Variants in ANO3 observed in about 807,000 individuals in gnomAD.
ANO3 encodes the protein anoctamin 3.
ANO3 carries 99 observed loss-of-function variants against 144.8 expected under a neutral mutation model. The observed-to-expected ratio is 0.68, with a 90% CI of 0.58 to 0.81. ANO3 has a LOEUF of 0.81. Among genes scored for constraint, ANO3 ranks in the 30% least tolerant of loss-of-function variants. The probability of loss-of-function intolerance (pLI) is 0.00; values close to 1 mark genes in which losing one functional copy is unlikely to be tolerated. For missense variants in ANO3, 905 were observed against 1,202.2 expected (o/e 0.75, Z 3.66); for synonymous variants, 414 against 392.6 (o/e 1.05, Z -0.64).
chr11:26,337,811 T>A (rs1855231969), intron 1 of ANO3, among the ~76,000 whole-genome samples: 1 of 152,110 alleles, frequency 6.6e-6, no homozygotes, highest in Non-Finnish European at 1.5e-5. Flanking sequence ...GACGGGCACC[T>A]GTAATCCCAG....
intron 4 of ANO3, among the ~76,000 whole-genome samples, chr11:26,465,224 CATTT>C (rs1391163874): frequency 2.7e-5 from 4 of 148,646 alleles, no homozygotes; most frequent in African/African-American, 9.9e-5. Flanking sequence ...AATTTTTATT[CATTT>C]GTGTCCTACA....
chr11:26,322,561 C>T (rs1854785994), intron 1 of ANO3, among the ~76,000 whole-genome samples: 1 of 151,982 alleles, frequency 6.6e-6, no homozygotes, highest in Non-Finnish European at 1.5e-5. Context: ...GATTATTGGT[C>T]AGGTATATTA....
At chr11:26,216,631 C>T (rs1590198430) in intron 1 of ANO3, among the ~76,000 whole-genome samples, 1 of 151,832 alleles carries the variant, frequency 6.6e-6, no homozygotes, top group East Asian at 1.9e-4. Flanking sequence ...GTGAGAATTT[C>T]CTGAAATCAT....
At chr11:26,354,954 T>A (rs765654584) in intron 1 of ANO3, among the ~76,000 whole-genome samples, 9 of 151,992 alleles carry the variant, frequency 5.9e-5, no homozygotes, top group Non-Finnish European at 1.3e-4. Context: ...TCAAAAGCAA[T>A]TTACTAAAGG....
chr11:26,290,565 C>T (rs993535061), intron 1 of ANO3, among the ~76,000 whole-genome samples: 8 of 152,314 alleles, frequency 5.3e-5, no homozygotes, highest in South Asian at 4.1e-4. Context: ...AAATTTCCCT[C>T]TACCAACTGC....
chr11:26,482,742 C>T lies in ANO3; in HGVS notation c.432+19594C>T, dbSNP rs984582621. 4.5e-4 allele frequency among the ~76,000 whole-genome samples: 68 copies of T among 152,158 alleles called. 1 individual carries two copies. The highest frequency in any genetic ancestry group is 1.6e-3 in the African/African-American group (66 of 41,524). On this transcript the variant is annotated intron_variant, in intron 4 of 26. Coordinates refer to ENST00000256737, the MANE Select transcript of ANO3 (RefSeq NM_031418.4). ...ATACATTGTACTCATTAAGTAATTTCTCATTTCTCACTCCCCTTCTAACCT... is the reference window on the plus strand; with the variant it reads ...ATACATTGTACTCATTAAGTAATTTTTCATTTCTCACTCCCCTTCTAACCT...
rs148316562 is a variant in ANO3, at chr11:26,532,400, T to G, written c.869+1064T>G. On this transcript the variant is annotated intron_variant, in intron 8 of 26. Coordinates refer to ENST00000256737, the MANE Select transcript of ANO3 (RefSeq NM_031418.4). ...CTGTGATACACCAAATGAAAAACAT[T>G]CTACTCTTTTTTTTTAAACCCTGAA... Among the ~76,000 whole-genome samples the G allele has an allele frequency of 5.3e-5, 8 of 152,248 alleles. No homozygotes were observed. The East Asian group carries it at 1.5e-3, about 29-fold the overall frequency.
chr11:26,513,441 A>C (rs1861743156), intron 5 of ANO3, among the ~76,000 whole-genome samples: 1 of 152,174 alleles, frequency 6.6e-6, no homozygotes, highest in African/African-American at 2.4e-5. Context: ...GAGGGATCAG[A>C]ATCTGGCTAT....
At position 26,635,039 on chromosome 11, in the gene ANO3, A is replaced by G. The variant is rs1852906728; in HGVS notation, c.2012A>G (p.Asn671Ser). The G allele has an allele frequency of 6.2e-7, 1 of 1,613,682 alleles. No homozygotes were observed. The highest frequency in any genetic ancestry group is 8.5e-7 in the Non-Finnish European group (1 of 1,179,648). ...GRFVGHPGKY[N>S]KLFDRWRLEE... ...TTCGTAGGCCACCCAGGAAAATACA[A>G]TAAACTTTTTGACCGGTGGAGACTG... is the stretch of plus-strand genomic sequence containing the variant. Residue 671 changes from asparagine to serine, a missense_variant, in exon 20 of 27, where the codon AAT (asparagine) becomes AGT (serine). Coordinates refer to ENST00000256737, the MANE Select transcript of ANO3 (RefSeq NM_031418.4).
intron 3 of ANO3, among the ~76,000 whole-genome samples, chr11:26,453,102 C>A (rs1198521763): frequency 6.6e-6 from 1 of 152,174 alleles, no homozygotes; most frequent in East Asian, 1.9e-4. Context: ...AAAGGAACAA[C>A]CGGTACCAGC....
chr11:26,260,390 A>G (rs1187643986), intron 1 of ANO3, among the ~76,000 whole-genome samples: 1 of 152,206 alleles, frequency 6.6e-6, no homozygotes, highest in Non-Finnish European at 1.5e-5. Context: ...AAGTGAAGAC[A>G]TTGAAATTTT....
rs149276072 is a variant in ANO3 at position 26,470,828 on chromosome 11, T to C, written c.432+7680T>C. ...GATTTAAGCCATAAATATTATAATA[T>C]CATTACCTTTTTACAATCTCATACA... On this transcript the variant is annotated intron_variant, in intron 4 of 26. Transcript: ENST00000256737. 1.1e-4 allele frequency among the ~76,000 whole-genome samples: 17 copies of C among 152,060 alleles called. No individual in the cohort carries two copies. The East Asian group carries it at 3.3e-3, about 30-fold the overall frequency.
At chr11:26,561,093 T>C in intron 14 of ANO3, 1 of 1,611,780 alleles carries the variant, frequency 6.2e-7, no homozygotes, top group Non-Finnish European at 8.5e-7. Context: ...TGGAGGTATG[T>C]CATCCATAGG....
chr11:26,445,325 C>CA (rs1858664251), intron 3 of ANO3, among the ~76,000 whole-genome samples: 2 of 152,092 alleles, frequency 1.3e-5, no homozygotes, highest in Non-Finnish European at 1.5e-5. Context: ...TGCAAAGCAC[C>CA]CTTTACTAAC....
upstream of ANO3, chr11:26,331,593 T>C (rs888136458): frequency 6.6e-6 from 1 of 152,170 alleles, no homozygotes; most frequent in Non-Finnish European, 1.5e-5. Context: ...CTAAGTAGGT[T>C]ATAAATGGTC....
At chr11:26,275,285 A>C (rs1373080656) in intron 1 of ANO3, among the ~76,000 whole-genome samples, 1 of 152,168 alleles carries the variant, frequency 6.6e-6, no homozygotes. Context: ...GAATGGCCAA[A>C]TCCACTAAAA....
At chr11:26,347,772 A>G (rs1415312217) in intron 1 of ANO3, among the ~76,000 whole-genome samples, 1 of 152,258 alleles carries the variant, frequency 6.6e-6, no homozygotes, top group African/African-American at 2.4e-5. Flanking sequence ...AGTTTGGAAT[A>G]GCATCTTATG....
At chr11:26,241,634 A>C (rs1240012235) in intron 1 of ANO3, among the ~76,000 whole-genome samples, 1 of 152,236 alleles carries the variant, frequency 6.6e-6, no homozygotes, top group African/African-American at 2.4e-5. Flanking sequence ...GTGTCATTAT[A>C]GTAACAATTA....
At chr11:26,246,557 G>T (rs1040266353) in intron 1 of ANO3, among the ~76,000 whole-genome samples, 4 of 149,466 alleles carry the variant, frequency 2.7e-5, no homozygotes, top group African/African-American at 9.9e-5. Flanking sequence ...CATGTCTTTT[G>T]CTTAATTTTC....
Sources: gnomAD v4.1 joint callset for allele counts (sites outside exome capture counted in the v4.1 genomes callset) on GRCh38, gnomAD v4.1.1 for gene constraint, MANE v1.5 for transcripts, NCBI Gene and HGNC (gene_info 2026-07-23, HGNC 2026-07-21) for gene names.